The following CSMD1 variants were observed in gnomAD, a reference collection of about 807,000 sequenced individuals.
CSMD1 encodes the protein CUB and Sushi multiple domains 1.
In CSMD1, 213 loss-of-function variants were observed where a neutral mutation model predicts 417.5. The observed-to-expected ratio is 0.51, with a 90% CI of 0.46 to 0.57. The LOEUF (loss-of-function observed/expected upper bound fraction) is 0.57. Ranked by LOEUF, CSMD1 falls within the 20% of genes least tolerant of loss-of-function variation. The pLI, the probability that CSMD1 is intolerant of heterozygous loss-of-function variation, is 0.00. For missense variants in CSMD1, 6,923 were observed against 4,529.7 expected, an observed-to-expected ratio of 1.53 and a Z score of -15.17; for synonymous variants, 2,862 against 1,736.8, an observed-to-expected ratio of 1.65 and a Z score of -16.11.
intron 5 of CSMD1, among the ~76,000 whole-genome samples, chr8:3,976,950 G>A (rs1028018664): frequency 2.0e-5 from 3 of 152,110 alleles, no homozygotes; most frequent in African/African-American, 4.8e-5. Flanking sequence ...TTTGTCACAG[G>A]GCATAGTACA....
chr8:4,964,082 T>G lies in CSMD1; in HGVS notation c.85+30250A>C, dbSNP rs191885801. On this transcript the variant is annotated intron_variant, in intron 1 of 69. Coordinates refer to ENST00000635120, the MANE Select transcript of CSMD1 (RefSeq NM_033225.6). ...GGCAAGACATATCTGGCTTTCTGGGTTTATTTTATTTTTTTTACTTTCTCA... is the reference window on the plus strand; with the variant it reads ...GGCAAGACATATCTGGCTTTCTGGGGTTATTTTATTTTTTTTACTTTCTCA... Among the ~76,000 whole-genome samples the G allele has an allele frequency of 1.8e-3, 268 of 151,794 alleles. 1 individual carries two copies. The highest frequency in any genetic ancestry group is 2.0e-3 in the Non-Finnish European group (134 of 67,996).
At chr8:3,910,669 C>G (rs890956643) in intron 5 of CSMD1, among the ~76,000 whole-genome samples, 1 of 152,138 alleles carries the variant, frequency 6.6e-6, no homozygotes, top group African/African-American at 2.4e-5. Context: ...ATTGCTAAAT[C>G]TATAATCTAT....
rs10283210 is a variant in CSMD1 at position 3,447,568 on chromosome 8, G to T, written c.1561+21144C>A. On this transcript the variant is annotated intron_variant, in intron 12 of 69. Transcript: ENST00000635120. Reference sequence around the variant, plus strand: ...CCCGGAACCACTGTTCACAGAGGGCGACAGGAAGGGTCAGAGGTTCCGTAG... The same window carrying T: ...CCCGGAACCACTGTTCACAGAGGGCTACAGGAAGGGTCAGAGGTTCCGTAG... Among the ~76,000 whole-genome samples, 884 of 152,312 alleles carry T rather than the reference G, an allele frequency of 5.8e-3. 11 individuals are homozygous for T. Among genetic ancestry groups the T allele is most frequent in the African/African-American group, 0.02 (827 of 41,574 alleles).
chr8:4,206,555 T>C (rs574259317), intron 3 of CSMD1, among the ~76,000 whole-genome samples: 1 of 152,168 alleles, frequency 6.6e-6, no homozygotes, highest in African/African-American at 2.4e-5. Flanking sequence ...ATGGTGTATA[T>C]GTGCCACATT....
intron 1 of CSMD1, among the ~76,000 whole-genome samples, chr8:4,880,219 T>C (rs1803304855): frequency 6.6e-6 from 1 of 152,070 alleles, no homozygotes; most frequent in Non-Finnish European, 1.5e-5. Flanking sequence ...ACTGCTATCA[T>C]TTTTCGGAGA....
intron 3 of CSMD1, among the ~76,000 whole-genome samples, chr8:4,167,332 G>A (rs956233973): frequency 1.3e-5 from 2 of 152,136 alleles, no homozygotes; most frequent in African/African-American, 2.4e-5. Flanking sequence ...AGGTATCTAA[G>A]TAAGACTTTG....
chr8:4,705,319 T>C (rs1408597780), intron 1 of CSMD1, among the ~76,000 whole-genome samples: 1 of 152,232 alleles, frequency 6.6e-6, no homozygotes, highest in Non-Finnish European at 1.5e-5. Context: ...CATAGTTCTA[T>C]GTTCTAGAGA....
intron 5 of CSMD1, among the ~76,000 whole-genome samples, chr8:3,780,683 G>A (rs926858111): frequency 6.6e-6 from 1 of 152,198 alleles, no homozygotes; most frequent in Non-Finnish European, 1.5e-5. Context: ...CGCTTCAGTT[G>A]TCGGCAGAAA....
intron 23 of CSMD1, among the ~76,000 whole-genome samples, chr8:3,339,845 A>G (rs982048992): frequency 2.0e-5 from 3 of 152,318 alleles, no homozygotes; most frequent in East Asian, 1.9e-4. Flanking sequence ...TTATGGCTCC[A>G]TTGGACATCA....
intron 5 of CSMD1, among the ~76,000 whole-genome samples, chr8:3,921,405 T>C (rs995597872): frequency 5.9e-5 from 9 of 152,258 alleles, no homozygotes; most frequent in African/African-American, 2.2e-4. Flanking sequence ...ATTTATTATC[T>C]AACTTGTATT....
At position 4,011,015 on chromosome 8, in the gene CSMD1, G is replaced by A. The variant is rs77100052; in HGVS notation, c.611-12905C>T. On this transcript the variant is annotated intron_variant, in intron 4 of 69. Transcript: ENST00000635120. ...CCTTTCTGGGGGATGACTGTTTCAT[G>A]CCTTCTTCCTTCTAAAGCTGCCAGC... Among the ~76,000 whole-genome samples the A allele has an allele frequency of 2.9e-3, 446 of 152,256 alleles. 12 individuals carry two copies. The East Asian group carries it at 0.056, about 19-fold the overall frequency.
intron 10 of CSMD1, among the ~76,000 whole-genome samples, chr8:3,549,050 C>T (rs1176937130): frequency 6.6e-6 from 1 of 152,174 alleles, no homozygotes; most frequent in Non-Finnish European, 1.5e-5. Context: ...CGAAGCCATC[C>T]CTGATATCAA....
At chr8:4,345,205 G>A (rs1441609322) in intron 3 of CSMD1, among the ~76,000 whole-genome samples, 3 of 152,078 alleles carry the variant, frequency 2.0e-5, no homozygotes, top group Admixed American at 6.6e-5. Context: ...GATGACCAAC[G>A]CTAACATATA....
chr8:4,980,153 C>T (rs945331324), intron 1 of CSMD1, among the ~76,000 whole-genome samples: 8 of 152,196 alleles, frequency 5.3e-5, no homozygotes, highest in Admixed American at 2.0e-4. Flanking sequence ...CCCTGTAACA[C>T]GCACACACAG....
chr8:3,709,316 G>A (rs1211692289), intron 6 of CSMD1, among the ~76,000 whole-genome samples: 22 of 152,120 alleles, frequency 1.4e-4, no homozygotes, highest in Admixed American at 1.4e-3. Context: ...TACAGCAGCT[G>A]CGAGCAGGCA....
chr8:3,976,394 G>A (rs1434942437), intron 5 of CSMD1, among the ~76,000 whole-genome samples: 1 of 152,114 alleles, frequency 6.6e-6, no homozygotes, highest in Non-Finnish European at 1.5e-5. Flanking sequence ...TCTTCAAGTT[G>A]CTGCTTCTTC....
intron 3 of CSMD1, among the ~76,000 whole-genome samples, chr8:4,361,257 A>T (rs958856837): frequency 1.3e-5 from 2 of 152,150 alleles, no homozygotes; most frequent in African/African-American, 4.8e-5. Flanking sequence ...GAAAAGGCGT[A>T]AAAGAAAATA....
intron 5 of CSMD1, among the ~76,000 whole-genome samples, chr8:3,826,871 C>T (rs1179634335): frequency 2.6e-5 from 4 of 152,232 alleles, no homozygotes; most frequent in East Asian, 1.9e-4. Context: ...ACTGCAGCAT[C>T]GGCCTCCTGA....
chr8:4,911,251 T>A (rs1268316506), intron 1 of CSMD1, among the ~76,000 whole-genome samples: 1 of 152,236 alleles, frequency 6.6e-6, no homozygotes, highest in Non-Finnish European at 1.5e-5. Context: ...CAAATGACCT[T>A]TGTCCACCAG....
Sources: gnomAD v4.1 joint callset for allele counts (sites outside exome capture counted in the v4.1 genomes callset) on GRCh38, gnomAD v4.1.1 for gene constraint, MANE v1.5 for transcripts, NCBI Gene and HGNC (gene_info 2026-07-23, HGNC 2026-07-21) for gene names.